NFATC3: variants seen among roughly 807,000 people sequenced by gnomAD.
NFATC3 encodes nuclear factor of activated T-cells, cytoplasmic 3.
A neutral mutation model predicts 98.6 loss-of-function variants in NFATC3; 46 were observed. The observed-to-expected ratio is 0.47, with a 90% CI of 0.37 to 0.60. NFATC3 has a LOEUF of 0.60. Ranked by LOEUF, NFATC3 falls within the 20% of genes least tolerant of loss-of-function variation. The pLI is 0.00. For missense variants in NFATC3, 1,256 were observed against 1,295.5 expected (o/e 0.97, Z 0.47); for synonymous variants, 512 against 472.2 (o/e 1.08, Z -1.09).
At chr16:68,164,168 G>A (rs903918520) in intron 4 of NFATC3, among the ~76,000 whole-genome samples, 14 of 152,264 alleles carry the variant, frequency 9.2e-5, no homozygotes, top group Admixed American at 3.9e-4. Flanking sequence ...GGGAGGCCGA[G>A]GCTGGCGGAT....
chr16:68,187,086 G>T (rs189191094), intron 8 of NFATC3, among the ~76,000 whole-genome samples: 2 of 152,228 alleles, frequency 1.3e-5, no homozygotes, highest in African/African-American at 2.4e-5. Flanking sequence ...GTGAGTGAGC[G>T]TGGGGTCCAG....
chr16:68,158,448 C>G (rs571277175), intron 4 of NFATC3, among the ~76,000 whole-genome samples: 82 of 152,230 alleles, frequency 5.4e-4, no homozygotes, highest in Middle Eastern at 6.8e-3. Context: ...TCCCACTTGA[C>G]CCATTTCCAA....
rs568262072 is a variant in NFATC3, at chr16:68,223,819, C to T, written c.3107-2531C>T. Among the ~76,000 whole-genome samples, 173 of 147,610 alleles carry T rather than the reference C, an allele frequency of 1.2e-3. 1 individual carries two copies. The highest frequency in any genetic ancestry group is 3.7e-3 in the African/African-American group (149 of 39,878). ...CTGAGGCAGGAGAACCACTTGAACC[C>T]GGGAGACGGAGGTTGCAGTGAGCCA... On this transcript the variant is annotated intron_variant, in intron 9 of 9. Transcript: ENST00000346183.
At chr16:68,183,498 C>T in intron 8 of NFATC3, 132 bp downstream of exon 8, 1 of 914,020 alleles carries the variant, frequency 1.1e-6, no homozygotes. Context: ...GATGCCCACT[C>T]TAAAGTTTTT....
chr16:68,085,556 G>A lies in NFATC3; in HGVS notation c.-126G>A. The A allele has an allele frequency of 1.3e-6, 1 of 777,004 alleles. No homozygotes were observed. The allele number at this position is 777,004 out of a possible 1,614,324, so 48.1% of individuals were successfully genotyped here. A position where few individuals can be genotyped will look rare whatever the true frequency, so the allele number is the denominator to read the frequency against. On this transcript the variant is annotated 5_prime_UTR_variant, in exon 1 of 10. Coordinates refer to ENST00000346183, the MANE Select transcript of NFATC3 (RefSeq NM_173165.3). ...GTCGCGGGCCCCGCCCGGAAAGTTTGCCGTGGAGTCGCGACCTCTTGGCCC... is the reference window on the plus strand; with the variant it reads ...GTCGCGGGCCCCGCCCGGAAAGTTTACCGTGGAGTCGCGACCTCTTGGCCC...
chr16:68,144,203 T>C (rs982739298), intron 3 of NFATC3, among the ~76,000 whole-genome samples: 9 of 152,104 alleles, frequency 5.9e-5, no homozygotes, highest in Non-Finnish European at 1.3e-4. Context: ...TCACCAGCCA[T>C]TAGGGAAATG....
chr16:68,225,244 G>T (rs1014674903), intron 9 of NFATC3: 1 of 152,142 alleles, frequency 6.6e-6, no homozygotes, highest in Non-Finnish European at 1.5e-5. Context: ...GAGCCACTGC[G>T]CCTGGCTACT....
At chr16:68,165,842 C>T (rs2039166878) in intron 4 of NFATC3, among the ~76,000 whole-genome samples, 1 of 152,206 alleles carries the variant, frequency 6.6e-6, no homozygotes, top group Admixed American at 6.5e-5. Flanking sequence ...GCAAGGTTAA[C>T]TAGTATATTT....
chr16:68,164,737 G>A (rs1171567248), intron 4 of NFATC3, among the ~76,000 whole-genome samples: 5 of 151,620 alleles, frequency 3.3e-5, no homozygotes, highest in African/African-American at 9.7e-5. Context: ...AAAATTAGCC[G>A]GGCGTGGTGG....
chr16:68,141,183 C>G (rs1477331700), intron 3 of NFATC3, among the ~76,000 whole-genome samples: 1 of 151,610 alleles, frequency 6.6e-6, no homozygotes, highest in Non-Finnish European at 1.5e-5. Context: ...GTAGATATAC[C>G]ACATTTTCTT....
chr16:68,175,735 T>A (rs1382019602), intron 6 of NFATC3, among the ~76,000 whole-genome samples: 1 of 151,960 alleles, frequency 6.6e-6, no homozygotes, highest in Non-Finnish European at 1.5e-5. Context: ...AATTTTTGTA[T>A]TTTTGGTAGA....
In NFATC3 at chr16:68,126,505, A is replaced by C. The variant is rs2036840600; in HGVS notation, c.1296A>C (p.Glu432Asp). ...TACCAGCTCATTTTGGACAATGTGA[A>C]CTGAAAATAGAAGTGCAACCTAAAA... The part of the protein sequence containing the change: ...WPLPAHFGQC[E>D]LKIEVQPKTH... Residue 432 changes from glutamate (E) to aspartate (D), a missense_variant, in exon 3 of 10, where the codon GAA becomes GAC. By Grantham distance (45) the Glu-to-Asp change is conservative. Coordinates refer to ENST00000346183, the MANE Select transcript of NFATC3 (RefSeq NM_173165.3). 1.2e-6 allele frequency: 2 copies of C among 1,614,070 alleles called. No homozygotes were observed. The highest frequency in any genetic ancestry group is 1.7e-6 in the Non-Finnish European group (2 of 1,180,004).
intron 9 of NFATC3, chr16:68,224,761 GAA>G (rs2041986889): frequency 6.7e-6 from 1 of 149,922 alleles, no homozygotes; most frequent in African/African-American, 2.4e-5. Flanking sequence ...GTGTAAACCA[GAA>G]AAAGATTAGA....
chr16:68,183,276 C>T lies in NFATC3; in HGVS notation c.2008C>T (p.Pro670Ser). The T allele has an allele frequency of 2.5e-6, 4 of 1,605,288 alleles. No individual in the cohort carries two copies. Among genetic ancestry groups the T allele is most frequent in the Non-Finnish European group, 3.4e-6 (4 of 1,177,454 alleles). Reference protein sequence around the residue: ...IVLEVPPYHNPAVTAAVQVHF... With the variant: ...IVLEVPPYHNSAVTAAVQVHF... ...CCTTGAAGTTCCTCCATATCATAAC[C>T]CAGCAGTTACAGCTGCAGTGCAGGT... The change falls in exon 8 of 10, where the codon CCA (proline) becomes TCA (serine). Residue 670 changes from proline to serine, a missense_variant. This residue lies in a region of NFATC3 where 636 missense variants were observed against 617.3 expected (regional missense o/e 1.03). Transcript: ENST00000346183.
intron 5 of NFATC3, among the ~76,000 whole-genome samples, chr16:68,167,349 G>A (rs2039243358): frequency 6.6e-6 from 1 of 152,208 alleles, no homozygotes; most frequent in Non-Finnish European, 1.5e-5. Context: ...ATGCTTTTAA[G>A]TATCACTTGG....
intron 3 of NFATC3, among the ~76,000 whole-genome samples, chr16:68,145,697 G>GGTCAGGTTGA (rs1488486810): frequency 1.3e-5 from 2 of 152,138 alleles, no homozygotes; most frequent in African/African-American, 4.8e-5. Context: ...CAGGAAACAG[G>GGTCAGGTTGA]GTCAGGTTGA....
intron 9 of NFATC3, among the ~76,000 whole-genome samples, chr16:68,195,297 C>G (rs1254527245): frequency 6.6e-6 from 1 of 152,096 alleles, no homozygotes. Flanking sequence ...TGTAGCCCCC[C>G]AGAGACTAGC....
At chr16:68,192,332 T>TATAGAGAGAGAG (rs1249886948) in intron 9 of NFATC3, 8 of 134,478 alleles carry the variant, frequency 5.9e-5, no homozygotes, top group African/African-American at 2.3e-4. Flanking sequence ...TATATATATA[T>TATAGAGAGAGAG]AGAGAGAGAG....
chr16:68,207,418 T>C (rs750283097), intron 9 of NFATC3, among the ~76,000 whole-genome samples: 1 of 152,174 alleles, frequency 6.6e-6, no homozygotes, highest in Non-Finnish European at 1.5e-5. Flanking sequence ...TCAGTACTTT[T>C]GTGTGTTTAC....
Sources: gnomAD v4.1 joint callset for allele counts (sites outside exome capture counted in the v4.1 genomes callset) on GRCh38, gnomAD v4.1.1 for gene constraint, gnomAD v4.1.1 regional missense constraint, MANE v1.5 for transcripts, NCBI Gene and HGNC (gene_info 2026-07-23, HGNC 2026-07-21) for gene names.